The following GRK5 variants were observed in gnomAD, a reference collection of about 807,000 sequenced individuals.
GRK5 encodes G protein-coupled receptor kinase 5, also known as g protein-coupled receptor kinase GRK5.
A neutral mutation model predicts 78.4 loss-of-function variants in GRK5; 40 were observed. The observed-to-expected ratio is 0.51, with a 90% CI of 0.40 to 0.66. The LOEUF (loss-of-function observed/expected upper bound fraction) is 0.66, where lower values mean the gene tolerates loss of function less well. GRK5 is among the 30% of genes least tolerant of loss of function. The pLI is 0.00. For missense variants in GRK5, 598 were observed against 759.9 expected, an observed-to-expected ratio of 0.79 and a Z score of 2.50; for synonymous variants, 289 against 296.8, an observed-to-expected ratio of 0.97 and a Z score of 0.27.
chr10:119,436,871 T>C, intron 9 of GRK5, 30 bp downstream of exon 9: 1 of 1,559,158 alleles, frequency 6.4e-7, no homozygotes, highest in African/African-American at 1.4e-5. Flanking sequence ...GACTTCCAAG[T>C]CTAAGTCCGA....
intron 1 of GRK5, among the ~76,000 whole-genome samples, chr10:119,284,332 T>C: frequency 6.6e-6 from 1 of 152,202 alleles, no homozygotes; most frequent in Admixed American, 6.5e-5. Context: ...AATATAAAAA[T>C]CCTTTTCTTT....
intron 2 of GRK5, among the ~76,000 whole-genome samples, chr10:119,375,260 G>A (rs1379454971): frequency 1.3e-5 from 2 of 152,148 alleles, no homozygotes; most frequent in African/African-American, 4.8e-5. Context: ...CTCACCTGGA[G>A]GTTTCACCTC....
At chr10:119,441,826 C>T (rs1304330895) in intron 10 of GRK5, among the ~76,000 whole-genome samples, 173 bp from the exon 11 acceptor site, 2 of 152,176 alleles carry the variant, frequency 1.3e-5, no homozygotes, top group Admixed American at 1.3e-4. Flanking sequence ...TCCTCCCACA[C>T]CTGCACTCTC....
chr10:119,390,653 C>T (rs538529671), intron 3 of GRK5, among the ~76,000 whole-genome samples: 248 of 152,274 alleles, frequency 1.6e-3, no homozygotes, highest in African/African-American at 5.8e-3. Flanking sequence ...CGAGATTGCA[C>T]CACTGCATTC....
At chr10:119,329,011 C>T (rs1041439121) in intron 2 of GRK5, among the ~76,000 whole-genome samples, 4 of 152,118 alleles carry the variant, frequency 2.6e-5, no homozygotes, top group Admixed American at 6.5e-5. Context: ...TTCACCACTG[C>T]GTAGTTGGTG....
At chr10:119,261,755 C>A (rs1340002621) in intron 1 of GRK5, among the ~76,000 whole-genome samples, 1 of 152,262 alleles carries the variant, frequency 6.6e-6, no homozygotes, top group African/African-American at 2.4e-5. Context: ...AAAAACCAGT[C>A]AGGCGTGGCG....
rs146648326 is a variant in GRK5, at chr10:119,329,406, C to T, written c.148+2795C>T. Among the ~76,000 whole-genome samples, 623 of 152,218 alleles carry T rather than the reference C, an allele frequency of 4.1e-3. 9 individuals carry two copies. The highest frequency in any genetic ancestry group is 0.014 in the African/African-American group (600 of 41,528). On this transcript the variant is annotated intron_variant, in intron 2 of 15. Transcript: ENST00000392870. The stretch of plus-strand genomic sequence containing the variant: ...AAGAAGGCAGACTGGCTGGGGACCT[C>T]GAGCCATGAGGGACGACACAGCAGT...
At chr10:119,353,996 G>A (rs967698919) in intron 2 of GRK5, among the ~76,000 whole-genome samples, 2 of 84,980 alleles carry the variant, frequency 2.4e-5, no homozygotes, top group African/African-American at 9.0e-5. Context: ...TCATTTTTCT[G>A]TAGAAATATT....
In GRK5 at chr10:119,379,146, AAATGGGGTTTATT is replaced by A. The variant is rs1851672992; in HGVS notation, c.149-1664_149-1652del. On this transcript the variant is annotated intron_variant, in intron 2 of 15. Transcript: ENST00000392870. This position sits in a 1 kb window ranked among gnomAD's most constrained non-coding sequence, Gnocchi z 4.1. ...AAATTATCACATCCATAACGATGAGAAATGGGGTTTATTAATGTGCCAGCATCTGGTCTGAGTG... is the reference window on the plus strand; with the variant it reads ...AAATTATCACATCCATAACGATGAGAAATGTGCCAGCATCTGGTCTGAGTG... 1.3e-5 allele frequency among the ~76,000 whole-genome samples: 2 copies of A among 152,216 alleles called. No homozygotes were observed. Among genetic ancestry groups the A allele is most frequent in the Non-Finnish European group, 2.9e-5 (2 of 68,040 alleles).
intron 1 of GRK5, among the ~76,000 whole-genome samples, chr10:119,215,631 T>TG (rs1258738872): frequency 6.7e-5 from 9 of 133,706 alleles, no homozygotes; most frequent in Admixed American, 6.3e-4. Flanking sequence ...TCATGGATGG[T>TG]GGCGGGGGTG....
intron 1 of GRK5, among the ~76,000 whole-genome samples, chr10:119,292,696 G>C (rs560261034): frequency 3.9e-4 from 60 of 152,158 alleles, no homozygotes; most frequent in African/African-American, 1.4e-3. Context: ...GACAGAAAAT[G>C]GTGTCATATT....
At chr10:119,422,119 T>C (rs1220317410) in intron 4 of GRK5, among the ~76,000 whole-genome samples, 1 of 152,094 alleles carries the variant, frequency 6.6e-6, no homozygotes, top group Non-Finnish European at 1.5e-5. Context: ...ATCTCTTTAA[T>C]TTATTAAAAA....
At chr10:119,243,686 GAGCTTCTTTTCTGAAAACC>G (rs910206365) in intron 1 of GRK5, among the ~76,000 whole-genome samples, 35 of 151,822 alleles carry the variant, frequency 2.3e-4, no homozygotes, top group African/African-American at 7.7e-4. Flanking sequence ...AAGGCAAATA[GAGCTTCTTTTCTGAAAACC>G]AGCAGGAAAG....
chr10:119,416,803 A>G (rs909910418), intron 4 of GRK5, among the ~76,000 whole-genome samples: 19 of 152,208 alleles, frequency 1.2e-4, no homozygotes, highest in Non-Finnish European at 2.4e-4. Flanking sequence ...CATGTTGGCC[A>G]GGCTGGACTC....
intron 10 of GRK5, among the ~76,000 whole-genome samples, chr10:119,440,747 T>C (rs1466309770): frequency 6.6e-6 from 1 of 152,058 alleles, no homozygotes; most frequent in Non-Finnish European, 1.5e-5. Flanking sequence ...AATGGGGTTT[T>C]GCCATGTTGA....
chr10:119,431,675 G>T lies in GRK5; in HGVS notation c.738+148G>T, dbSNP rs760749742. ...GGCAGCGCTGAGCTACAGAAAGGCC[G>T]CAAGACATTCCTCCATCACACGGCC... On this transcript the variant is annotated intron_variant, in intron 8 of 15. Coordinates refer to ENST00000392870, the MANE Select transcript of GRK5 (RefSeq NM_005308.3). The surrounding 1 kb of genome is among the most constrained non-coding windows in gnomAD (Gnocchi z 4.8). 1.2e-5 allele frequency: 11 copies of T among 932,172 alleles called. No homozygotes were observed. The highest frequency in any genetic ancestry group is 1.7e-5 in the Non-Finnish European group (11 of 641,158). The allele number at this position is 932,172 out of a possible 1,614,324, so 57.7% of individuals were successfully genotyped here.
At chr10:119,285,341 G>A (rs1849830436) in intron 1 of GRK5, among the ~76,000 whole-genome samples, 1 of 152,146 alleles carries the variant, frequency 6.6e-6, no homozygotes, top group Non-Finnish European at 1.5e-5. Context: ...CAGTGGGAGG[G>A]TGGGTGGTAA....
intron 1 of GRK5, among the ~76,000 whole-genome samples, chr10:119,274,452 T>G (rs1849635164): frequency 6.6e-6 from 1 of 152,196 alleles, no homozygotes; most frequent in South Asian, 2.1e-4. Context: ...TGTAGGGCAC[T>G]TACCTGTGCT....
intron 1 of GRK5, among the ~76,000 whole-genome samples, chr10:119,317,633 G>A (rs1850514642): frequency 6.6e-6 from 1 of 152,132 alleles, no homozygotes; most frequent in Non-Finnish European, 1.5e-5. Flanking sequence ...CAGGCATCCT[G>A]CTGTGAGAAG....
Sources: gnomAD v4.1 joint callset for allele counts (sites outside exome capture counted in the v4.1 genomes callset) on GRCh38, gnomAD v4.1.1 for gene constraint, Gnocchi (gnomAD v3.1) non-coding constraint, MANE v1.5 for transcripts, NCBI Gene and HGNC (gene_info 2026-07-23, HGNC 2026-07-21) for gene names.